Variants in ROPN1L observed in about 807,000 individuals in gnomAD.
The protein encoded by ROPN1L is rhophilin associated tail protein 1 like.
A neutral mutation model predicts 22.7 loss-of-function variants in ROPN1L; 23 were observed. That is an observed-to-expected ratio of 1.01 (90% CI 0.73 to 1.43). ROPN1L has a LOEUF of 1.43. Among genes scored for constraint, ROPN1L ranks in the 40% most tolerant of loss-of-function variants. ROPN1L has a pLI of 0.00. For missense variants in ROPN1L, 271 were observed against 291.5 expected (o/e 0.93, Z 0.51); for synonymous variants, 116 against 117.8 (o/e 0.98, Z 0.10).
intron 4 of ROPN1L, among the ~76,000 whole-genome samples, chr5:10,470,493 C>G (rs945266396): frequency 6.6e-6 from 1 of 152,240 alleles, no homozygotes; most frequent in African/African-American, 2.4e-5. Flanking sequence ...CGTATCTGTC[C>G]CATTTCCCCG....
Position 10,464,847 on chromosome 5 carries a change from G to T in ROPN1L, c.594-1G>T. The T allele has an allele frequency of 1.3e-6, 2 of 1,570,680 alleles. No individual in the cohort carries two copies. Among genetic ancestry groups the T allele is most frequent in the Non-Finnish European group, 1.7e-6 (2 of 1,157,582 alleles). On this transcript the variant is annotated splice_acceptor_variant, in intron 4 of 4. Transcript: ENST00000274134. LOFTEE classifies it high-confidence loss of function. The stretch of plus-strand genomic sequence containing the variant: ...AATATCTTTATCTGTTTCCAATTTA[G>T]AGACGCCAGGAAGAACGGCATGATA...
At chr5:10,443,598 C>A (rs1166576278) in intron 1 of ROPN1L, among the ~76,000 whole-genome samples, 1 of 150,724 alleles carries the variant, frequency 6.6e-6, no homozygotes. Flanking sequence ...GTCCGCAGTC[C>A]GGCCCGGGCG....
chr5:10,453,958 T>C (rs914541070), intron 3 of ROPN1L, among the ~76,000 whole-genome samples: 2 of 152,206 alleles, frequency 1.3e-5, no homozygotes, highest in African/African-American at 4.8e-5. Context: ...CTCTACTTAT[T>C]ACATCAAAAG....
downstream of ROPN1L, among the ~76,000 whole-genome samples, chr5:10,465,250 T>G (rs1482435154): frequency 6.6e-6 from 1 of 152,214 alleles, no homozygotes; most frequent in Non-Finnish European, 1.5e-5. Flanking sequence ...GCGCGTTGGC[T>G]CACGCCTGTA....
intron 3 of ROPN1L, among the ~76,000 whole-genome samples, chr5:10,454,527 T>C (rs1741355579): frequency 6.6e-6 from 1 of 152,198 alleles, no homozygotes; most frequent in African/African-American, 2.4e-5. Flanking sequence ...ATCTTTTTTT[T>C]TTTAAGATAA....
intron 4 of ROPN1L, among the ~76,000 whole-genome samples, chr5:10,463,982 A>AGGAT (rs929840348): frequency 6.6e-6 from 1 of 152,094 alleles, no homozygotes; most frequent in African/African-American, 2.4e-5. Flanking sequence ...GATGCCACCT[A>AGGAT]GGATGCAGGC....
chr5:10,479,210 G>T, the ROPN1L span, among the ~76,000 whole-genome samples: 1 of 152,202 alleles, frequency 6.6e-6, no homozygotes, highest in African/African-American at 2.4e-5. Context: ...ATAAGGGAAA[G>T]TGACACTGGT....
intron 4 of ROPN1L, among the ~76,000 whole-genome samples, chr5:10,463,616 C>T (rs1404263503): frequency 1.3e-5 from 2 of 152,322 alleles, no homozygotes; most frequent in East Asian, 3.9e-4. Flanking sequence ...TGGTTTGTCC[C>T]TGAGCCCCAC....
chr5:10,450,507 A>AT (rs1206154765), intron 3 of ROPN1L, among the ~76,000 whole-genome samples: 7 of 151,554 alleles, frequency 4.6e-5, no homozygotes, highest in East Asian at 3.9e-4. Flanking sequence ...TTATTTATTC[A>AT]TTTTTTTTGA....
intron 4 of ROPN1L, among the ~76,000 whole-genome samples, chr5:10,470,499 C>T (rs1735228648): frequency 6.6e-6 from 1 of 152,220 alleles, no homozygotes; most frequent in Non-Finnish European, 1.5e-5. Flanking sequence ...TGTCCCATTT[C>T]CCCGTTCTGG....
At chr5:10,448,511 C>G in intron 2 of ROPN1L, 128 bp downstream of exon 2, 1 of 995,276 alleles carries the variant, frequency 1.0e-6, no homozygotes, top group South Asian at 1.8e-5. Flanking sequence ...TCCCTGAAAT[C>G]CTGCTTTCCC....
At chr5:10,456,828 A>AT (rs2126453353) in intron 3 of ROPN1L, among the ~76,000 whole-genome samples, 1 of 152,144 alleles carries the variant, frequency 6.6e-6, no homozygotes, top group South Asian at 2.1e-4. Context: ...GTTTTGATGT[A>AT]TTTTTCCTTA....
intron 2 of ROPN1L, 61 bp from the exon 3 acceptor site, chr5:10,449,891 C>T (rs2126438351): frequency 1.4e-6 from 2 of 1,416,920 alleles, no homozygotes; most frequent in Admixed American, 1.9e-5. Context: ...ATATTCACAG[C>T]ATTCATTGTT....
chr5:10,473,313 A>G (rs144769256), downstream of ROPN1L, among the ~76,000 whole-genome samples: 111 of 152,294 alleles, frequency 7.3e-4, no homozygotes, highest in African/African-American at 2.6e-3. Context: ...GGTGGACCCT[A>G]AATCCAATAA....
At chr5:10,471,486 C>T (rs1048442434) in intron 4 of ROPN1L, among the ~76,000 whole-genome samples, 2 of 152,044 alleles carry the variant, frequency 1.3e-5, no homozygotes, top group Non-Finnish European at 2.9e-5. Context: ...GTAGGTGGGG[C>T]GGCCTGTTAG....
In ROPN1L at chr5:10,450,060, A is replaced by G; in HGVS notation, c.364A>G (p.Asn122Asp). ...GCTCTTACAACTGGATCCTTGTGAA[A>G]ACAAAATCAAGTGGATAAACTTTTT... Reference protein sequence around the residue: ...KALLQLDPCENKIKWINFLAL... With the variant: ...KALLQLDPCEDKIKWINFLAL... The change falls in exon 3 of 5, where the codon AAC (asparagine) becomes GAC (aspartate). Residue 122 changes from asparagine (N) to aspartate (D), a missense_variant. Coordinates refer to ENST00000274134, the MANE Select transcript of ROPN1L (RefSeq NM_031916.5). 1 of 1,614,024 alleles carries G rather than the reference A, an allele frequency of 6.2e-7. No homozygotes were observed. Among genetic ancestry groups the G allele is most frequent in the Non-Finnish European group, 8.5e-7 (1 of 1,180,012 alleles).
intron 4 of ROPN1L, among the ~76,000 whole-genome samples, chr5:10,463,316 T>A (rs1276733506): frequency 6.6e-6 from 1 of 152,250 alleles, no homozygotes; most frequent in Non-Finnish European, 1.5e-5. Context: ...TTCTCATTTG[T>A]TCATTCCCTA....
At chr5:10,481,809 G>T in the ROPN1L span, 1 of 152,204 alleles carries the variant, frequency 6.6e-6, no homozygotes, top group Non-Finnish European at 1.5e-5. Context: ...CCTAACCTTT[G>T]TCCCAGCGGG....
intron 1 of ROPN1L, 138 bp downstream of exon 1, chr5:10,442,436 A>G: frequency 9.6e-7 from 1 of 1,037,086 alleles, no homozygotes; most frequent in Non-Finnish European, 1.4e-6. Context: ...TCCCCTTAGC[A>G]TTGGTGACAT....
Sources: gnomAD v4.1 joint callset for allele counts (sites outside exome capture counted in the v4.1 genomes callset) on GRCh38, gnomAD v4.1.1 for gene constraint, MANE v1.5 for transcripts, NCBI Gene and HGNC (gene_info 2026-07-23, HGNC 2026-07-21) for gene names.